RAB3IP: variants seen among roughly 807,000 people sequenced by gnomAD.
RAB3IP encodes the protein RAB3A interacting protein.
Under a neutral mutation model 59.1 loss-of-function variants are expected in RAB3IP, and 36 were observed. The observed-to-expected ratio is 0.61, with a 90% CI of 0.47 to 0.80. RAB3IP has a LOEUF of 0.80. Among genes scored for constraint, RAB3IP ranks in the 30% least tolerant of loss-of-function variants. The pLI is 0.00. For synonymous variants in RAB3IP, 207 were observed against 191.2 expected (o/e 1.08, Z -0.68); for missense variants, 511 against 536.0 (o/e 0.95, Z 0.46).
At chr12:69,801,935 T>G (rs1216677804) in intron 8 of RAB3IP, among the ~76,000 whole-genome samples, 1 of 148,010 alleles carries the variant, frequency 6.8e-6, no homozygotes, top group Non-Finnish European at 1.5e-5. Flanking sequence ...TAATTATAGG[T>G]TGGTGCAAAA....
intron 10 of RAB3IP, among the ~76,000 whole-genome samples, chr12:69,814,848 A>G (rs73132930): frequency 0.15 from 23,026 of 152,174 alleles, 2,619 homozygotes; most frequent in East Asian, 0.4. Context: ...CATCTTCCAC[A>G]TGCATTTTTA....
chr12:69,738,283 A>G (rs1311420541), upstream of RAB3IP: 1 of 152,136 alleles, frequency 6.6e-6, no homozygotes, highest in Non-Finnish European at 1.5e-5. Context: ...CCTACCTGGA[A>G]GACCTAAAGT....
intron 3 of RAB3IP, among the ~76,000 whole-genome samples, chr12:69,761,119 G>T (rs1416718757): frequency 6.6e-6 from 1 of 151,974 alleles, no homozygotes; most frequent in Non-Finnish European, 1.5e-5. Flanking sequence ...GTGTTTCATT[G>T]TGGGTAGTTT....
rs1033068661 is a variant in RAB3IP, at chr12:69,795,335, C to T, written c.879C>T (p.Asp293=). The T allele has an allele frequency of 3.7e-6, 6 of 1,612,410 alleles. No homozygotes were observed. The highest frequency in any genetic ancestry group is 3.3e-5 in the Admixed American group (2 of 59,962). The part of the protein sequence containing the change: ...DLSVIQPIVK[D]CKEADLSLYN... ...GTGTGATACAGCCAATTGTAAAAGACTGCAAAGAGGTAACTCATCAAGGAC... is the reference window on the plus strand; with the variant it reads ...GTGTGATACAGCCAATTGTAAAAGATTGCAAAGAGGTAACTCATCAAGGAC... The change falls in exon 6 of 11, where the codon GAC becomes GAT. Residue 293 remains aspartate, a synonymous_variant. Coordinates refer to ENST00000247833, the MANE Select transcript of RAB3IP (RefSeq NM_022456.5).
In RAB3IP at chr12:69,802,600, T is replaced by C. The variant is rs117614517; in HGVS notation, c.1130+879T>C. On this transcript the variant is annotated intron_variant, in intron 8 of 10. Transcript: ENST00000247833. ...TTTGAGAAAGATGCTTATTAAGTGC[T>C]TAGAGCCAGATCAATATAGGGGACT... 8.5e-5 allele frequency among the ~76,000 whole-genome samples: 13 copies of C among 152,302 alleles called. No individual in the cohort carries two copies. In the East Asian group the frequency reaches 2.5e-3, roughly 29 times the overall value.
At chr12:69,752,556 A>G (rs1371750368) in intron 1 of RAB3IP, among the ~76,000 whole-genome samples, 1 of 152,114 alleles carries the variant, frequency 6.6e-6, no homozygotes, top group Non-Finnish European at 1.5e-5. Flanking sequence ...TATCTTTAGG[A>G]TAAAGCCCCA....
chr12:69,812,778 A>C lies in RAB3IP; in HGVS notation c.1131A>C (p.Lys377Asn), dbSNP rs779128440. ...KASAVECGGP[K>N]KCALTGQSKS... ...ACTGAAATTTATCATTATTTCACAG[A>C]AAATGTGCTCTCACTGGCCAGAGTA... is the stretch of plus-strand genomic sequence containing the variant. Residue 377 changes from lysine (K) to asparagine (N), a missense_variant and splice_region_variant, in exon 9 of 11, where the codon AAA (lysine) becomes AAC (asparagine). By Grantham distance (94) the Lys-to-Asn change is moderately conservative. Transcript: ENST00000247833. 1.3e-6 allele frequency: 2 copies of C among 1,593,568 alleles called. No homozygotes were observed. The highest frequency in any genetic ancestry group is 1.8e-5 in the Admixed American group (1 of 56,652).
Position 69,772,344 on chromosome 12 carries a change from T to C in RAB3IP, c.511-12376T>C, listed in dbSNP as rs148494282. Among the ~76,000 whole-genome samples the C allele has an allele frequency of 1.3e-3, 200 of 152,290 alleles. 2 individuals carry two copies. The East Asian group carries it at 0.031, about 24-fold the overall frequency. ...TAGGCAGGCAGCATGGAGTTGGGTC[T>C]TGTTTTTTAAATTCATTCAGTCACT... On this transcript the variant is annotated intron_variant, in intron 3 of 10. Coordinates refer to ENST00000247833, the MANE Select transcript of RAB3IP (RefSeq NM_022456.5).
intron 3 of RAB3IP, among the ~76,000 whole-genome samples, chr12:69,780,096 C>T (rs1050492743): frequency 1.3e-5 from 2 of 152,096 alleles, no homozygotes; most frequent in African/African-American, 4.8e-5. Flanking sequence ...ACATGGTGCT[C>T]CAGCCAGGAT....
chr12:69,747,621 G>C (rs1004694598), intron 1 of RAB3IP, among the ~76,000 whole-genome samples: 7 of 152,164 alleles, frequency 4.6e-5, no homozygotes, highest in Admixed American at 3.9e-4. Flanking sequence ...ATTTTTAGAT[G>C]AGAAATTGAG....
intron 4 of RAB3IP, among the ~76,000 whole-genome samples, chr12:69,792,482 A>C (rs147278827): frequency 2.2e-4 from 34 of 152,316 alleles, no homozygotes; most frequent in Non-Finnish European, 4.0e-4. Flanking sequence ...ATATGTATAC[A>C]TAGTGTTTGA....
chr12:69,800,165 A>C, intron 6 of RAB3IP, 44 bp from the exon 7 acceptor site: 1 of 1,436,976 alleles, frequency 7.0e-7, no homozygotes, highest in Non-Finnish European at 9.2e-7. Flanking sequence ...TTTTATGTTT[A>C]TACGTTTTAA....
chr12:69,797,657 A>G (rs1372567539), intron 6 of RAB3IP, among the ~76,000 whole-genome samples: 1 of 151,504 alleles, frequency 6.6e-6, no homozygotes, highest in Non-Finnish European at 1.5e-5. Flanking sequence ...ATATCTCCCA[A>G]TGCTATCCCT....
intron 8 of RAB3IP, among the ~76,000 whole-genome samples, chr12:69,807,557 C>A (rs532484480): frequency 1.4e-5 from 2 of 144,160 alleles, no homozygotes; most frequent in Non-Finnish European, 3.0e-5. Flanking sequence ...AGAGACGCTC[C>A]TCACCTCTCA....
intron 7 of RAB3IP, among the ~76,000 whole-genome samples, chr12:69,801,223 A>G (rs1029089119): frequency 1.3e-5 from 2 of 152,250 alleles, no homozygotes; most frequent in Non-Finnish European, 2.9e-5. Flanking sequence ...GCTAATTAAT[A>G]TATATTGCTG....
intron 3 of RAB3IP, among the ~76,000 whole-genome samples, chr12:69,783,968 A>C (rs554247489): frequency 1.3e-5 from 2 of 152,334 alleles, no homozygotes; most frequent in African/African-American, 4.8e-5. Flanking sequence ...CACAATTATA[A>C]CACCACTAAC....
At chr12:69,766,397 A>C (rs1433651931) in intron 3 of RAB3IP, among the ~76,000 whole-genome samples, 1 of 152,004 alleles carries the variant, frequency 6.6e-6, no homozygotes, top group Non-Finnish European at 1.5e-5. Context: ...AATTCCAAAG[A>C]CCATTTTTCA....
chr12:69,771,256 C>T (rs756631701), intron 3 of RAB3IP, among the ~76,000 whole-genome samples: 14 of 152,138 alleles, frequency 9.2e-5, no homozygotes, highest in Admixed American at 2.6e-4. Flanking sequence ...TCCAGCAGGG[C>T]GTAGTGGCTT....
At chr12:69,798,600 A>G (rs1292205347) in intron 6 of RAB3IP, among the ~76,000 whole-genome samples, 6 of 152,132 alleles carry the variant, frequency 3.9e-5, no homozygotes, top group Non-Finnish European at 7.4e-5. Flanking sequence ...GTCCTTGCCC[A>G]TGCCTATGTC....
Sources: gnomAD v4.1 joint callset for allele counts (sites outside exome capture counted in the v4.1 genomes callset) on GRCh38, gnomAD v4.1.1 for gene constraint, MANE v1.5 for transcripts, NCBI Gene and HGNC (gene_info 2026-07-23, HGNC 2026-07-21) for gene names.